HDX: variants seen among roughly 807,000 people sequenced by gnomAD.
The protein encoded by HDX is chromosome X open reading frame 43.
HDX carries 19 observed loss-of-function variants against 45.2 expected under a neutral mutation model. The observed-to-expected ratio is 0.42, with a 90% CI of 0.29 to 0.62. HDX has a LOEUF of 0.62. HDX is among the 20% of genes least tolerant of loss of function. HDX has a pLI of 0.20. For missense variants in HDX, 532 were observed against 493.9 expected (o/e 1.08, Z -0.73); for synonymous variants, 188 against 172.8 (o/e 1.09, Z -0.69).
chrX:84,479,204 A>G (rs1478217709), intron 2 of HDX, among the ~76,000 whole-genome samples: 1 of 111,221 alleles, frequency 9.0e-6, no homozygotes, highest in Non-Finnish European at 1.9e-5. Context: ...ACTCCCAAAA[A>G]TTTCCCTTAT....
At chrX:84,378,880 G>T (rs2038120675) in intron 5 of HDX, among the ~76,000 whole-genome samples, 1 of 110,770 alleles carries the variant, frequency 9.0e-6, no homozygotes, top group South Asian at 3.7e-4. Context: ...GAAAAATCAA[G>T]ATGCATTTCA....
intron 7 of HDX, among the ~76,000 whole-genome samples, chrX:84,337,490 G>A (rs2036992199): frequency 9.0e-6 from 1 of 110,660 alleles, no homozygotes; most frequent in South Asian, 3.7e-4. Context: ...TTTCTACAAT[G>A]AACATTTGTT....
At chrX:84,479,896 G>A (rs2040639745) in intron 2 of HDX, among the ~76,000 whole-genome samples, 1 of 110,930 alleles carries the variant, frequency 9.0e-6, no homozygotes, top group South Asian at 3.8e-4. Context: ...TTTTAATTGG[G>A]TTGTTTACTT....
intron 5 of HDX, among the ~76,000 whole-genome samples, chrX:84,437,396 T>A (rs948709076): frequency 9.0e-6 from 1 of 110,835 alleles, no homozygotes; most frequent in Admixed American, 9.6e-5. Context: ...GCCTCCCAAG[T>A]AGCTGGGACT....
intron 4 of HDX, among the ~76,000 whole-genome samples, chrX:84,449,635 CACT>C (rs2039952444): frequency 9.0e-6 from 1 of 111,593 alleles, no homozygotes; most frequent in South Asian, 3.8e-4. Context: ...AATTCACCAC[CACT>C]AGACTCACCC....
At chrX:84,334,111 C>T (rs1488093972) in intron 8 of HDX, among the ~76,000 whole-genome samples, 3 of 110,952 alleles carry the variant, frequency 2.7e-5, no homozygotes, top group South Asian at 3.8e-4. Context: ...ACAAAGCAGG[C>T]GAACTGCTTA....
At chrX:84,483,114 C>G (rs1000215885) in intron 2 of HDX, among the ~76,000 whole-genome samples, 3 of 111,195 alleles carry the variant, frequency 2.7e-5, no homozygotes, top group Admixed American at 9.5e-5. Flanking sequence ...TACAGCGCCC[C>G]CCTCAGCTGA....
intron 5 of HDX, among the ~76,000 whole-genome samples, chrX:84,392,024 A>G (rs1235693941): frequency 9.0e-6 from 1 of 111,706 alleles, no homozygotes. Context: ...GACTAAGGTC[A>G]TGAAGATTTT....
intron 2 of HDX, among the ~76,000 whole-genome samples, chrX:84,486,929 A>G (rs979887149): frequency 9.9e-5 from 11 of 111,507 alleles, no homozygotes; most frequent in African/African-American, 2.9e-4. Context: ...ATTTTTTTCT[A>G]CACCAATCTC....
chrX:84,370,999 A>C (rs2037879675), intron 5 of HDX, among the ~76,000 whole-genome samples: 1 of 112,547 alleles, frequency 8.9e-6, no homozygotes, highest in African/African-American at 3.2e-5. Context: ...AAAATATCAC[A>C]TGTAAGGTCC....
chrX:84,501,879 A>C (rs1409625563), intron 1 of HDX, among the ~76,000 whole-genome samples: 2 of 109,224 alleles, frequency 1.8e-5, no homozygotes, highest in Admixed American at 9.6e-5. Flanking sequence ...TTCTCCTCAC[A>C]GTGACCCACC....
At chrX:84,464,065 T>C (rs1453091348) in intron 4 of HDX, among the ~76,000 whole-genome samples, 1 of 111,548 alleles carries the variant, frequency 9.0e-6, no homozygotes, top group African/African-American at 3.3e-5. Context: ...ATCTCTGTTA[T>C]ATAGTTTCAG....
At chrX:84,411,879 G>A (rs764514953) in intron 5 of HDX, among the ~76,000 whole-genome samples, 21 of 111,229 alleles carry the variant, frequency 1.9e-4, no homozygotes, top group Non-Finnish European at 3.0e-4. Flanking sequence ...TAGGATAGGT[G>A]GATCTTTTTA....
chrX:84,456,636 ACTCCAC>A, intron 4 of HDX, among the ~76,000 whole-genome samples: 1 of 111,235 alleles, frequency 9.0e-6, no homozygotes. Context: ...CAAAAAACAC[ACTCCAC>A]CTATAAAGAC....
At chrX:84,470,567 T>C (rs1345142600) in intron 3 of HDX, among the ~76,000 whole-genome samples, 4 of 111,581 alleles carry the variant, frequency 3.6e-5, no homozygotes, top group Admixed American at 1.9e-4. Context: ...ATGGTAGTTA[T>C]TGTCTTCTTT....
chrX:84,364,017 A>G (rs139142383), intron 5 of HDX, among the ~76,000 whole-genome samples: 2,322 of 111,781 alleles, frequency 0.021, 29 homozygotes, highest in Non-Finnish European at 0.034. Flanking sequence ...TTATATTGCA[A>G]TGTATAATAA....
chrX:84,404,918 C>A (rs1320602458), intron 5 of HDX, among the ~76,000 whole-genome samples: 1 of 111,006 alleles, frequency 9.0e-6, no homozygotes, highest in Non-Finnish European at 1.9e-5. Flanking sequence ...CACAGTTTTT[C>A]TACTGGGTTT....
intron 2 of HDX, among the ~76,000 whole-genome samples, chrX:84,478,905 A>T (rs1484386201): frequency 8.9e-6 from 1 of 111,811 alleles, no homozygotes; most frequent in Non-Finnish European, 1.9e-5. Context: ...CCATAAAATC[A>T]TCATCAATTC....
chrX:84,367,820 G>A lies in HDX; in HGVS notation c.1306-6208C>T, dbSNP rs2037796458. On this transcript the variant is annotated intron_variant, in intron 5 of 10. Coordinates refer to ENST00000373177, the MANE Select transcript of HDX (RefSeq NM_001177479.2). The stretch of plus-strand genomic sequence containing the variant: ...GAACAATGAGAACACATGGACACAG[G>A]GAAGGGAACATCACACCACTGAGGC... Among the ~76,000 whole-genome samples, 5 of 111,421 alleles carry A rather than the reference G, an allele frequency of 4.5e-5. No individual in the cohort carries two copies. The Admixed American group carries it at 4.8e-4, about 11-fold the overall frequency.
Sources: allele counts gnomAD v4.1 joint callset (sites outside exome capture counted in the v4.1 genomes callset), GRCh38; gene constraint gnomAD v4.1.1; transcripts MANE v1.5; gene names NCBI Gene and HGNC (gene_info 2026-07-23, HGNC 2026-07-21).